The following UNC5C variants were observed in gnomAD, a reference collection of about 807,000 sequenced individuals.
UNC5C encodes the protein unc-5 netrin receptor C, also known as netrin receptor UNC5C.
Under a neutral mutation model 99.8 loss-of-function variants are expected in UNC5C, and 47 were observed. That is an observed-to-expected ratio of 0.47 (90% CI 0.37 to 0.60). UNC5C has a LOEUF of 0.60. UNC5C is among the 20% of genes least tolerant of loss of function. The probability of loss-of-function intolerance (pLI) is 0.00; values close to 1 mark genes in which losing one functional copy is unlikely to be tolerated. For synonymous variants in UNC5C, 487 were observed against 452.2 expected, an observed-to-expected ratio of 1.08 and a Z score of -0.98; for missense variants, 1,062 against 1,165.9, an observed-to-expected ratio of 0.91 and a Z score of 1.30.
intron 10 of UNC5C, among the ~76,000 whole-genome samples, chr4:95,211,077 C>A (rs570627330): frequency 3.8e-4 from 58 of 152,252 alleles, no homozygotes; most frequent in African/African-American, 1.1e-3. Context: ...TAAGTCCTTG[C>A]GAAACTATTC....
intron 1 of UNC5C, among the ~76,000 whole-genome samples, chr4:95,474,088 T>C (rs1248987303): frequency 6.6e-6 from 1 of 152,146 alleles, no homozygotes; most frequent in Non-Finnish European, 1.5e-5. Flanking sequence ...AATGATTCTA[T>C]ACTTGATATT....
At chr4:95,386,084 C>A (rs983294356) in intron 1 of UNC5C, among the ~76,000 whole-genome samples, 6 of 152,070 alleles carry the variant, frequency 3.9e-5, no homozygotes, top group Non-Finnish European at 1.5e-5. Context: ...TTCTGACCAG[C>A]CATTGTAACC....
chr4:95,306,225 C>T (rs1006241117), intron 2 of UNC5C, among the ~76,000 whole-genome samples: 12 of 151,792 alleles, frequency 7.9e-5, no homozygotes, highest in African/African-American at 2.2e-4. Flanking sequence ...TTTTTTGAGA[C>T]GGAGTCTTGC....
chr4:95,186,953 C>G (rs756150163), intron 12 of UNC5C, among the ~76,000 whole-genome samples: 5 of 152,120 alleles, frequency 3.3e-5, no homozygotes, highest in Non-Finnish European at 7.4e-5. Flanking sequence ...CCTTGAGTCA[C>G]ACACGCTCCT....
intron 13 of UNC5C, among the ~76,000 whole-genome samples, chr4:95,184,328 T>C (rs189943827): frequency 1.5e-4 from 23 of 152,272 alleles, no homozygotes; most frequent in African/African-American, 5.3e-4. Context: ...CATCAGGAAA[T>C]AGCTACCAGT....
chr4:95,196,275 A>G (rs1737379885), intron 12 of UNC5C, among the ~76,000 whole-genome samples: 1 of 152,182 alleles, frequency 6.6e-6, no homozygotes, highest in Non-Finnish European at 1.5e-5. Context: ...AGACGGGGGA[A>G]AAAGAAAAGC....
chr4:95,248,285 C>A (rs1242138766), intron 5 of UNC5C: 6 of 246,604 alleles, frequency 2.4e-5, no homozygotes, highest in South Asian at 8.2e-5. Context: ...TGTAAATTTA[C>A]TTAATATAAC....
chr4:95,262,908 G>A (rs570649577), intron 4 of UNC5C, among the ~76,000 whole-genome samples: 6 of 151,768 alleles, frequency 4.0e-5, no homozygotes, highest in South Asian at 2.1e-4. Context: ...TCTGCTTCCC[G>A]GGTTCAAGCA....
chr4:95,302,162 G>A (rs953431216), intron 2 of UNC5C, among the ~76,000 whole-genome samples: 5 of 152,140 alleles, frequency 3.3e-5, no homozygotes, highest in African/African-American at 1.2e-4. Context: ...AAAACCAACA[G>A]TCATTGTGAT....
At chr4:95,221,361 A>G (rs1738461774) in intron 7 of UNC5C, among the ~76,000 whole-genome samples, 1 of 152,150 alleles carries the variant, frequency 6.6e-6, no homozygotes, top group South Asian at 2.1e-4. Flanking sequence ...AGAACTTTCC[A>G]ATTTGTAGGT....
chr4:95,411,540 A>G (rs912357555), intron 1 of UNC5C, among the ~76,000 whole-genome samples: 4 of 152,196 alleles, frequency 2.6e-5, no homozygotes, highest in Middle Eastern at 3.2e-3. Flanking sequence ...GAATGTTCAC[A>G]TATGTTTAGC....
At chr4:95,361,495 T>C (rs1579357875) in intron 1 of UNC5C, among the ~76,000 whole-genome samples, 2 of 152,182 alleles carry the variant, frequency 1.3e-5, no homozygotes, top group Non-Finnish European at 2.9e-5. Context: ...TGCTGCTCTG[T>C]GCAGATGTGG....
rs569780846 is a variant in UNC5C at position 95,263,399 on chromosome 4, G to T, written c.595-12732C>A. ...AAATTTTAAAGAGCACTTCACAAAG[G>T]CATGAGAGGATAGTGGTTCTGTTAC... is the stretch of plus-strand genomic sequence containing the variant. On this transcript the variant is annotated intron_variant, in intron 4 of 15. Transcript: ENST00000453304. Among the ~76,000 whole-genome samples the T allele has an allele frequency of 3.9e-5, 6 of 152,234 alleles. No homozygotes were observed. In the South Asian group the frequency reaches 1.2e-3, roughly 32 times the overall value.
At chr4:95,297,282 T>C (rs1741699507) in intron 3 of UNC5C, among the ~76,000 whole-genome samples, 1 of 152,142 alleles carries the variant, frequency 6.6e-6, no homozygotes, top group Non-Finnish European at 1.5e-5. Flanking sequence ...CACCCCTCAA[T>C]ACACTGGCTG....
At chr4:95,498,709 GTT>G (rs5860410) in intron 1 of UNC5C, among the ~76,000 whole-genome samples, 58,481 of 149,224 alleles carry the variant, frequency 0.39, 12,010 homozygotes, top group Non-Finnish European at 0.47. Context: ...AACATACAGT[GTT>G]TTTTTTTTTT....
chr4:95,472,246 A>C (rs968182012), intron 1 of UNC5C, among the ~76,000 whole-genome samples: 1 of 152,148 alleles, frequency 6.6e-6, no homozygotes, highest in Non-Finnish European at 1.5e-5. Flanking sequence ...AGAAGTGTAA[A>C]TTAAATTCTT....
At chr4:95,448,224 G>GAGAGAGAGAGAGAGAGAGAA (rs1747169493) in intron 1 of UNC5C, among the ~76,000 whole-genome samples, 3 of 143,882 alleles carry the variant, frequency 2.1e-5, no homozygotes, top group African/African-American at 7.7e-5. Flanking sequence ...GTGTGTGTGT[G>GAGAGAGAGAGAGAGAGAGAA]TGTGAGAGAG....
intron 1 of UNC5C, among the ~76,000 whole-genome samples, chr4:95,457,933 C>G (rs1747490394): frequency 1.3e-5 from 2 of 152,208 alleles, no homozygotes; most frequent in South Asian, 4.1e-4. Context: ...GGACAGAGAA[C>G]TCTGCTAACC....
At chr4:95,385,214 C>T (rs530487605) in intron 1 of UNC5C, among the ~76,000 whole-genome samples, 10 of 152,236 alleles carry the variant, frequency 6.6e-5, no homozygotes, top group East Asian at 1.9e-4. Flanking sequence ...ATTTCAAACA[C>T]GTTCTAAGAA....
Sources: gnomAD v4.1 joint callset for allele counts (sites outside exome capture counted in the v4.1 genomes callset) on GRCh38, gnomAD v4.1.1 for gene constraint, MANE v1.5 for transcripts, NCBI Gene and HGNC (gene_info 2026-07-23, HGNC 2026-07-21) for gene names.